ZNF614: variants seen among roughly 807,000 people sequenced by gnomAD.
ZNF614 encodes zinc finger protein 614.
ZNF614 carries 11 observed loss-of-function variants against 12.8 expected under a neutral mutation model. That is an observed-to-expected ratio of 0.86 (90% CI 0.54 to 1.43). ZNF614 has a LOEUF of 1.43. Ranked by LOEUF, ZNF614 falls within the 40% of genes most tolerant of loss-of-function variation. The pLI, the probability that ZNF614 is intolerant of heterozygous loss-of-function variation, is 0.00. For synonymous variants in ZNF614, 237 were observed against 237.5 expected (o/e 1.00, Z 0.02); for missense variants, 664 against 708.8 (o/e 0.94, Z 0.72).
intron 4 of ZNF614, 194 bp from the exon 5 acceptor site, chr19:52,017,553 T>C: frequency 3.9e-6 from 2 of 518,812 alleles, no homozygotes; most frequent in Non-Finnish European, 3.4e-6. Context: ...ATTACAAAAT[T>C]AGCCGGGCGT....
In ZNF614 at chr19:52,016,819, A is replaced by G; in HGVS notation, c.779T>C (p.Ile260Thr). 2 of 1,613,862 alleles carry G rather than the reference A, an allele frequency of 1.2e-6. No individual in the cohort carries two copies. The highest frequency in any genetic ancestry group is 1.1e-5 in the South Asian group (1 of 91,082). Residue 260 changes from isoleucine to threonine, a missense_variant, in exon 5 of 5, where the codon ATA becomes ACA. Transcript: ENST00000270649. ...AGAGCCTTTTCTATATTCATTGGGT[A>G]TACAGATTTTGTCTGTTGTATTAGT... ...LKTNTTDKICIPNEYRKGSTV... is the reference protein window; with the variant it reads ...LKTNTTDKICTPNEYRKGSTV...
intron 2 of ZNF614, among the ~76,000 whole-genome samples, chr19:52,024,493 G>C (rs978523184): frequency 6.6e-6 from 1 of 152,148 alleles, no homozygotes; most frequent in African/African-American, 2.4e-5. Context: ...GTGGGGAAAA[G>C]AAAGAGAGAT....
intron 2 of ZNF614, among the ~76,000 whole-genome samples, chr19:52,022,258 A>G (rs906004586): frequency 6.6e-6 from 1 of 152,236 alleles, no homozygotes; most frequent in Admixed American, 6.5e-5. Flanking sequence ...TAAGGGTTCA[A>G]TCCTACAAGA....
intron 2 of ZNF614, among the ~76,000 whole-genome samples, chr19:52,022,408 G>A (rs987351704): frequency 5.9e-5 from 9 of 152,074 alleles, no homozygotes; most frequent in Admixed American, 6.6e-5. Context: ...TCTGGGAAGT[G>A]AGGAGTGCCT....
In ZNF614 at chr19:52,016,069, G is replaced by C; in HGVS notation, c.1529C>G (p.Pro510Arg). 6.2e-7 allele frequency: 1 copy of C among 1,614,140 alleles called. No homozygotes were observed. Among genetic ancestry groups the C allele is most frequent in the East Asian group, 2.2e-5 (1 of 44,882 alleles). ...THQRIHTGEKPYECNECGKAF... is the reference protein window; with the variant it reads ...THQRIHTGEKRYECNECGKAF... The stretch of plus-strand genomic sequence containing the variant: ...TTTTCCACATTCATTGCACTCATAA[G>C]GTTTCTCTCCTGTGTGAATTCTCTG... The change falls in exon 5 of 5, where the codon CCT becomes CGT. Residue 510 changes from proline (P) to arginine (R), a missense_variant. Pro to Arg is a moderately radical substitution (Grantham distance 103). Coordinates refer to ENST00000270649, the MANE Select transcript of ZNF614 (RefSeq NM_025040.4).
chr19:52,025,000 T>C (rs1048133119), intron 2 of ZNF614, among the ~76,000 whole-genome samples: 1 of 152,094 alleles, frequency 6.6e-6, no homozygotes, highest in African/African-American at 2.4e-5. Flanking sequence ...TGCCAACTAC[T>C]TGGGAGGCTG....
chr19:52,026,365 T>A (rs2086972520), intron 1 of ZNF614, among the ~76,000 whole-genome samples: 1 of 152,230 alleles, frequency 6.6e-6, no homozygotes, highest in South Asian at 2.1e-4. Flanking sequence ...AGCAGAGACA[T>A]GTGCTGTGTT....
chr19:52,016,469 C>T lies in ZNF614; in HGVS notation c.1129G>A (p.Gly377Arg). The stretch of plus-strand genomic sequence containing the variant: ...TTGCTCTTCACGGTAAAGCCTTTTC[C>T]ACATTCACTGCACATATAGGGTTTC... Reference protein sequence around the residue: ...GEKPYMCSECGKGFTVKSNLI... With the variant: ...GEKPYMCSECRKGFTVKSNLI... Residue 377 changes from glycine to arginine, a missense_variant, in exon 5 of 5, where the codon GGA (glycine) becomes AGA (arginine). By Grantham distance (125) the Gly-to-Arg change is moderately radical. Coordinates refer to ENST00000270649, the MANE Select transcript of ZNF614 (RefSeq NM_025040.4). 1 of 1,614,162 alleles carries T rather than the reference C, an allele frequency of 6.2e-7. No homozygotes were observed. Among genetic ancestry groups the T allele is most frequent in the Non-Finnish European group, 8.5e-7 (1 of 1,180,004 alleles).
rs2086898945 is a variant in ZNF614, at chr19:52,016,553, C to T, written c.1045G>A (p.Gly349Arg). ...TAGCGCTTCATGGTGAAGCCTTTTCCACATTCACTGCATATATAGGGTTTC... is the reference window on the plus strand; with the variant it reads ...TAGCGCTTCATGGTGAAGCCTTTTCTACATTCACTGCATATATAGGGTTTC... ...GEKPYICSEC[G>R]KGFTMKRYLV... The change falls in exon 5 of 5, where the codon GGA (glycine) becomes AGA (arginine). Residue 349 changes from glycine to arginine, a missense_variant. Gly to Arg is a moderately radical substitution (Grantham distance 125). Transcript: ENST00000270649. The T allele has an allele frequency of 6.2e-7, 1 of 1,614,096 alleles. No individual in the cohort carries two copies. Among genetic ancestry groups the T allele is most frequent in the Non-Finnish European group, 8.5e-7 (1 of 1,179,958 alleles).
chr19:52,016,782 A>C lies in ZNF614; in HGVS notation c.816T>G (p.Ser272Arg). 6.2e-7 allele frequency: 1 copy of C among 1,614,036 alleles called. No homozygotes were observed. Among genetic ancestry groups the C allele is most frequent in the Non-Finnish European group, 8.5e-7 (1 of 1,180,028 alleles). Residue 272 changes from serine to arginine, a missense_variant, in exon 5 of 5, where the codon AGT (serine) becomes AGG (arginine). Ser to Arg is a moderately radical substitution (Grantham distance 110). Coordinates refer to ENST00000270649, the MANE Select transcript of ZNF614 (RefSeq NM_025040.4). ...GGGTTTGTTGATGTGTAATGAGACTACTCTTCACAGTAGAGCCTTTTCTAT... is the reference window on the plus strand; with the variant it reads ...GGGTTTGTTGATGTGTAATGAGACTCCTCTTCACAGTAGAGCCTTTTCTAT... ...NEYRKGSTVK[S>R]SLITHQQTHT...
At chr19:52,017,633 C>T (rs1214187832) in intron 4 of ZNF614, 18 of 367,906 alleles carry the variant, frequency 4.9e-5, no homozygotes, top group South Asian at 3.5e-4. Context: ...CCCAGGAGGA[C>T]GAGGTTGCAG....
Position 52,016,669 on chromosome 19 carries a change from C to A in ZNF614, c.929G>T (p.Ser310Ile). Residue 310 changes from serine (S) to isoleucine (I), a missense_variant, in exon 5 of 5, where the codon AGT becomes ATT. Coordinates refer to ENST00000270649, the MANE Select transcript of ZNF614 (RefSeq NM_025040.4). Reference sequence around the variant, plus strand: ...TTTGCACACATAAGGTTTCTCTCCACTATGAGTTCGCTGATGAGCAATTAG... The same window carrying A: ...TTTGCACACATAAGGTTTCTCTCCAATATGAGTTCGCTGATGAGCAATTAG... ...RYLIAHQRTH[S>I]GEKPYVCKEC... is the part of the protein sequence containing the mutation. 6.2e-7 allele frequency: 1 copy of A among 1,613,968 alleles called. No individual in the cohort carries two copies. Among genetic ancestry groups the A allele is most frequent in the Non-Finnish European group, 8.5e-7 (1 of 1,179,990 alleles).
rs201879779 is a variant in ZNF614, at chr19:52,025,769, T to G, written c.-24A>C. On this transcript the variant is annotated 5_prime_UTR_variant, in exon 2 of 5. Transcript: ENST00000270649. ...ATTTTCTTCTGTGCTCAGAAAATAG[T>G]GGATAACATGGACTATACGTCTTTG... is the stretch of plus-strand genomic sequence containing the variant. The G allele has an allele frequency of 3.2e-5, 51 of 1,613,428 alleles. No individual in the cohort carries two copies. The highest frequency in any genetic ancestry group is 4.3e-5 in the Non-Finnish European group (51 of 1,179,604).
At chr19:52,019,009 C>T (rs903996238) in intron 2 of ZNF614, among the ~76,000 whole-genome samples, 1 of 152,084 alleles carries the variant, frequency 6.6e-6, no homozygotes, top group East Asian at 1.9e-4. Context: ...ACTAGGACTA[C>T]AGGTGGATGC....
chr19:52,021,672 A>C (rs767150653), intron 2 of ZNF614, among the ~76,000 whole-genome samples: 1 of 152,008 alleles, frequency 6.6e-6, no homozygotes, highest in Non-Finnish European at 1.5e-5. Context: ...TTGAGGCTGC[A>C]GTGAGCCATA....
At chr19:52,021,596 A>T (rs1487766088) in intron 2 of ZNF614, among the ~76,000 whole-genome samples, 1 of 152,114 alleles carries the variant, frequency 6.6e-6, no homozygotes, top group African/African-American at 2.4e-5. Flanking sequence ...ACAAAAAATT[A>T]GCTGGGTGTG....
In ZNF614 at chr19:52,028,290, T is replaced by C. The variant is rs1374207677; in HGVS notation, c.-265A>G. The C allele has an allele frequency of 6.6e-6, 1 of 152,448 alleles. No individual in the cohort carries two copies. The highest frequency in any genetic ancestry group is 2.4e-5 in the African/African-American group (1 of 41,470). The allele number at this position is 152,448 out of a possible 1,614,324, so 9.4% of individuals were successfully genotyped here. ...CCACTGGCAGCGACAAAACGCCGCA[T>C]CCACGTCCGAAAACGCTTCCTATTC... is the stretch of plus-strand genomic sequence containing the variant. On this transcript the variant is annotated 5_prime_UTR_variant, in exon 1 of 5. The change abolishes an upstream ATG in the 5' untranslated region. Transcript: ENST00000270649.
At position 52,016,501 on chromosome 19, in the gene ZNF614, G is replaced by A. The variant is rs768393342; in HGVS notation, c.1097C>T (p.Thr366Ile). Residue 366 changes from threonine to isoleucine, a missense_variant, in exon 5 of 5, where the codon ACT becomes ATT. Transcript: ENST00000270649. ...ACTGCACATATAGGGTTTCTCTCCA[G>A]TATGAGTTCGCTGATGTACAACAAG... ...RYLVVHQRTHTGEKPYMCSEC... is the reference protein window; with the variant it reads ...RYLVVHQRTHIGEKPYMCSEC... 8 of 1,614,028 alleles carry A rather than the reference G, an allele frequency of 5.0e-6. No individual in the cohort carries two copies. Among genetic ancestry groups the A allele is most frequent in the Non-Finnish European group, 2.5e-6 (3 of 1,179,930 alleles).
chr19:52,015,901 C>T lies in ZNF614; in HGVS notation c.1697G>A (p.Gly566Asp), dbSNP rs757184052. The change falls in exon 5 of 5, where the codon GGT becomes GAT. Residue 566 changes from glycine to aspartate, a missense_variant. Coordinates refer to ENST00000270649, the MANE Select transcript of ZNF614 (RefSeq NM_025040.4). Reference sequence around the variant, plus strand: ...GGAGTTTTCAACTTGACTGATTCTACCCATTTCTCTTGTGTGCATTTTCTT... The same window carrying T: ...GGAGTTTTCAACTTGACTGATTCTATCCATTTCTCTTGTGTGCATTTTCTT... ...KHKKMHTREM[G>D]RISQVENSCN... is the part of the protein sequence containing the mutation. The T allele has an allele frequency of 1.9e-6, 3 of 1,614,024 alleles. No homozygotes were observed. Among genetic ancestry groups the T allele is most frequent in the African/African-American group, 1.3e-5 (1 of 74,932 alleles).
Sources: gnomAD v4.1 joint callset for allele counts (sites outside exome capture counted in the v4.1 genomes callset) on GRCh38, gnomAD v4.1.1 for gene constraint, MANE v1.5 for transcripts, NCBI Gene and HGNC (gene_info 2026-07-23, HGNC 2026-07-21) for gene names.